The following TTC23 variants were observed in gnomAD, a reference collection of about 807,000 sequenced individuals.
The protein encoded by TTC23 is tetratricopeptide repeat protein 23.
TTC23 carries 58 observed loss-of-function variants against 55.1 expected under a neutral mutation model. That is an observed-to-expected ratio of 1.05 (90% CI 0.85 to 1.31). The LOEUF (loss-of-function observed/expected upper bound fraction) is 1.31. TTC23 is among the 50% of genes most tolerant of loss of function. TTC23 has a pLI of 0.00. For synonymous variants in TTC23, 203 were observed against 199.9 expected (o/e 1.02, Z -0.13); for missense variants, 516 against 534.4 (o/e 0.97, Z 0.34).
chr15:99,180,354 A>C (rs146123579), intron 9 of TTC23, among the ~76,000 whole-genome samples: 264 of 152,244 alleles, frequency 1.7e-3, no homozygotes, highest in African/African-American at 2.7e-3. Flanking sequence ...TAAAAAAAAA[A>C]AAAACAAAAC....
chr15:99,246,823 G>A (rs2080286605), intron 1 of TTC23, among the ~76,000 whole-genome samples: 1 of 152,158 alleles, frequency 6.6e-6, no homozygotes, highest in Admixed American at 6.5e-5. Context: ...GGGAGGCTGA[G>A]GCAGAAGAAT....
intron 8 of TTC23, among the ~76,000 whole-genome samples, chr15:99,202,553 G>A (rs1428922081): frequency 6.6e-6 from 1 of 152,312 alleles, no homozygotes; most frequent in East Asian, 1.9e-4. Context: ...TCTTTCCTGA[G>A]ATAAGCCACT....
intron 10 of TTC23, among the ~76,000 whole-genome samples, chr15:99,170,746 C>T (rs968984292): frequency 2.6e-5 from 4 of 152,194 alleles, no homozygotes; most frequent in African/African-American, 7.2e-5. Flanking sequence ...GCATTGGCCA[C>T]GTGAGGGGAC....
rs2080260791 is a variant in TTC23 at position 99,246,609 on chromosome 15, C to T, written c.-430-1099G>A. Among the ~76,000 whole-genome samples the T allele has an allele frequency of 2.1e-5, 3 of 145,174 alleles. No homozygotes were observed. The Admixed American group carries it at 2.1e-4, about 10-fold the overall frequency. On this transcript the variant is annotated intron_variant, in intron 1 of 13. Coordinates refer to ENST00000394132, the MANE Select transcript of TTC23 (RefSeq NM_001288615.3). ...CAGCCCGGGTGACAGAGTGACACTC[C>T]GTGTCAAAAAAAAAAAAATTTATTA...
chr15:99,175,154 G>A lies in TTC23; in HGVS notation c.761C>T (p.Ala254Val), dbSNP rs1339731743. ...GCTTCTACTCAGGATGATAAGATGT[G>A]CCTGTCACCACAGAAAGAAGAAACA... ...HDVSINHFLQ[A>V]HLIILSRSPS... Residue 254 changes from alanine (A) to valine (V), a missense_variant and splice_region_variant, in exon 10 of 14, where the codon GCA (alanine) becomes GTA (valine). By Grantham distance (64) the Ala-to-Val change is moderately conservative. Coordinates refer to ENST00000394132, the MANE Select transcript of TTC23 (RefSeq NM_001288615.3). 3 of 1,612,552 alleles carry A rather than the reference G, an allele frequency of 1.9e-6. No individual in the cohort carries two copies. Among genetic ancestry groups the A allele is most frequent in the African/African-American group, 1.3e-5 (1 of 74,824 alleles).
At chr15:99,212,495 A>C (rs1424334282) in intron 8 of TTC23, among the ~76,000 whole-genome samples, 1 of 152,222 alleles carries the variant, frequency 6.6e-6, no homozygotes, top group Non-Finnish European at 1.5e-5. Flanking sequence ...CAAAGTTAAC[A>C]AACCATTACT....
At chr15:99,190,888 C>A (rs368066230) in intron 9 of TTC23, among the ~76,000 whole-genome samples, 1 of 152,046 alleles carries the variant, frequency 6.6e-6, no homozygotes, top group Non-Finnish European at 1.5e-5. Context: ...CACAAGCAAT[C>A]CTCCCACCTC....
chr15:99,201,345 T>C (rs972316454), intron 8 of TTC23, among the ~76,000 whole-genome samples: 1 of 152,168 alleles, frequency 6.6e-6, no homozygotes, highest in African/African-American at 2.4e-5. Context: ...TTAGGAACCT[T>C]TTCTTTCATG....
chr15:99,208,730 T>TTATAA (rs3980082), intron 8 of TTC23, among the ~76,000 whole-genome samples: 41,197 of 151,746 alleles, frequency 0.27, 6,281 homozygotes, highest in African/African-American at 0.42. Context: ...TACTTTAGTT[T>TTATAA]TATATTTAAT....
intron 12 of TTC23, among the ~76,000 whole-genome samples, chr15:99,147,415 T>C (rs895630654): frequency 4.6e-5 from 7 of 151,668 alleles, no homozygotes; most frequent in African/African-American, 1.5e-4. Flanking sequence ...TTAGTAGAGA[T>C]GGAGTTTCAC....
chr15:99,183,448 A>C (rs2074350279), intron 9 of TTC23, among the ~76,000 whole-genome samples: 2 of 146,860 alleles, frequency 1.4e-5, no homozygotes, highest in African/African-American at 2.5e-5. Context: ...CAGCCTCCCG[A>C]GTAGCTGGGA....
intron 8 of TTC23, among the ~76,000 whole-genome samples, chr15:99,213,409 T>G (rs1328321827): frequency 6.6e-6 from 1 of 152,216 alleles, no homozygotes; most frequent in Admixed American, 6.5e-5. Flanking sequence ...AGGCTTGGTG[T>G]TGCTAATTTG....
intron 3 of TTC23, among the ~76,000 whole-genome samples, chr15:99,239,812 C>T (rs933007931): frequency 6.6e-6 from 1 of 152,202 alleles, no homozygotes; most frequent in South Asian, 2.1e-4. Context: ...GCAATACCAA[C>T]TAATATATAC....
chr15:99,221,971 G>T, intron 5 of TTC23, 107 bp from the exon 6 acceptor site: 1 of 1,305,994 alleles, frequency 7.7e-7, no homozygotes, highest in South Asian at 1.4e-5. Context: ...TGACTACTAT[G>T]TGCAAAACAT....
intron 9 of TTC23, among the ~76,000 whole-genome samples, chr15:99,194,487 G>A (rs1485272836): frequency 6.9e-6 from 1 of 145,850 alleles, no homozygotes; most frequent in Non-Finnish European, 1.5e-5. Context: ...AAGGAGCAAA[G>A]GCAATACAAT....
intron 7 of TTC23, 56 bp downstream of exon 7, chr15:99,218,840 CGT>C: frequency 6.3e-7 from 1 of 1,594,718 alleles, no homozygotes; most frequent in Admixed American, 1.7e-5. Context: ...TTTTACTTGG[CGT>C]GTAAGTGTTA....
intron 5 of TTC23, among the ~76,000 whole-genome samples, chr15:99,222,956 C>T (rs2078076260): frequency 6.6e-6 from 1 of 152,188 alleles, no homozygotes; most frequent in Non-Finnish European, 1.5e-5. Flanking sequence ...GATATCGTGC[C>T]ACTGCATTCC....
At chr15:99,211,174 A>C (rs899849880) in intron 8 of TTC23, among the ~76,000 whole-genome samples, 4 of 152,194 alleles carry the variant, frequency 2.6e-5, no homozygotes, top group Non-Finnish European at 5.9e-5. Flanking sequence ...CAGGAGTTTG[A>C]GACCAGCCTG....
chr15:99,231,397 T>G (rs1333876949), intron 4 of TTC23, among the ~76,000 whole-genome samples: 1 of 152,250 alleles, frequency 6.6e-6, no homozygotes, highest in Non-Finnish European at 1.5e-5. Context: ...TTACTGCCAC[T>G]GAAGACCCTC....
Sources: gnomAD v4.1 joint callset for allele counts (sites outside exome capture counted in the v4.1 genomes callset) on GRCh38, gnomAD v4.1.1 for gene constraint, MANE v1.5 for transcripts, NCBI Gene and HGNC (gene_info 2026-07-23, HGNC 2026-07-21) for gene names.